The following NUP210 variants were observed in gnomAD, a reference collection of about 807,000 sequenced individuals.
The protein encoded by NUP210 is nucleoporin 210, also known as nuclear pore membrane glycoprotein 210.
Under a neutral mutation model 196.0 loss-of-function variants are expected in NUP210, and 151 were observed. The observed-to-expected ratio is 0.77, with a 90% confidence interval of 0.67 to 0.88. The LOEUF (loss-of-function observed/expected upper bound fraction) is 0.88. Among genes scored for constraint, NUP210 ranks in the 40% least tolerant of loss-of-function variants. The probability of loss-of-function intolerance (pLI) is 0.00; values close to 1 mark genes in which losing one functional copy is unlikely to be tolerated. For synonymous variants in NUP210, 1,070 were observed against 1,052.7 expected, an observed-to-expected ratio of 1.02 and a Z score of -0.32; for missense variants, 2,314 against 2,493.7, an observed-to-expected ratio of 0.93 and a Z score of 1.53.
chr3:13,404,880 A>G (rs1180317903), intron 1 of NUP210, among the ~76,000 whole-genome samples: 2 of 152,120 alleles, frequency 1.3e-5, no homozygotes, highest in African/African-American at 2.4e-5. Context: ...TTACATCTAC[A>G]TGGAGGGAGG....
intron 36 of NUP210, among the ~76,000 whole-genome samples, chr3:13,320,450 G>A (rs1696473800): frequency 1.3e-5 from 2 of 151,868 alleles, no homozygotes; most frequent in African/African-American, 4.8e-5. Flanking sequence ...TGGCTAACAC[G>A]GTGAGACCCT....
rs1433868719 is a variant in NUP210, at chr3:13,327,313, G to A, written c.4411C>T (p.Pro1471Ser). ...AEHPGLSDFM[P>S]LPVLQAISPE... ...GAGATGGCCTGTAGGACAGGCAGGG[G>A]CATGAAGTCCGAGAGGCCCGGGTGC... Residue 1471 changes from proline to serine, a missense_variant, in exon 32 of 40, where the codon CCC becomes TCC. Transcript: ENST00000254508. 3.7e-6 allele frequency: 6 copies of A among 1,613,480 alleles called. No individual in the cohort carries two copies. The highest frequency in any genetic ancestry group is 5.1e-6 in the Non-Finnish European group (6 of 1,180,028).
Position 13,380,275 on chromosome 3 carries a change from T to G in NUP210, c.818-554A>C, listed in dbSNP as rs552365394. Among the ~76,000 whole-genome samples, 184 of 150,960 alleles carry G rather than the reference T, an allele frequency of 1.2e-3. 1 individual carries two copies. The highest frequency in any genetic ancestry group is 4.4e-3 in the African/African-American group (179 of 41,136). Reference sequence around the variant, plus strand: ...GAAGAGTTTCCCCGAGAAGTAAGAGTTCTATAAAGTGAGCAACATCGATGT... The same window carrying G: ...GAAGAGTTTCCCCGAGAAGTAAGAGGTCTATAAAGTGAGCAACATCGATGT... On this transcript the variant is annotated intron_variant, in intron 6 of 39. Coordinates refer to ENST00000254508, the MANE Select transcript of NUP210 (RefSeq NM_024923.4).
Position 13,358,311 on chromosome 3 carries a change from C to T in NUP210, c.2239G>A (p.Ala747Thr), listed in dbSNP as rs762204243. 4.5e-5 allele frequency: 73 copies of T among 1,613,686 alleles called. No homozygotes were observed. The highest frequency in any genetic ancestry group is 5.7e-5 in the Non-Finnish European group (67 of 1,179,896). Residue 747 changes from alanine (A) to threonine (T), a missense_variant, in exon 16 of 40, where the codon GCC becomes ACC. Coordinates refer to ENST00000254508, the MANE Select transcript of NUP210 (RefSeq NM_024923.4). ...GCGAGGGTGAGCCTGGACGGTGGGG[C>T]GCAGACGAACTTCACCACGGCAGGC... ...VEPAVVKFVC[A>T]PPSRLTLAPV... is the part of the protein sequence containing the mutation.
chr3:13,420,319 A>G lies in NUP210; in HGVS notation c.-93T>C, dbSNP rs1290999391. 16 of 836,850 alleles carry G rather than the reference A, an allele frequency of 1.9e-5. No homozygotes were observed. The highest frequency in any genetic ancestry group is 2.2e-5 in the Non-Finnish European group (15 of 692,046). 51.8% of individuals were successfully genotyped at this position (836,850 alleles called of 1,614,324 possible). On this transcript the variant is annotated 5_prime_UTR_variant, in exon 1 of 40. Transcript: ENST00000254508. The surrounding 1 kb of genome is among the most constrained non-coding windows in gnomAD (Gnocchi z 4.8). Reference sequence around the variant, plus strand: ...CCGCCCGCGCGCGCGCCAGGCCAGCAGGTGATGAGCGCGGGGGCGGGGCGA... The same window carrying G: ...CCGCCCGCGCGCGCGCCAGGCCAGCGGGTGATGAGCGCGGGGGCGGGGCGA...
intron 28 of NUP210, 74 bp from the exon 29 acceptor site, chr3:13,332,458 T>C (rs1697035715): frequency 8.5e-6 from 10 of 1,175,964 alleles, no homozygotes; most frequent in Non-Finnish European, 1.3e-5. Context: ...GCTTCTCTCC[T>C]AGCAGCAAGA....
At chr3:13,404,056 A>C (rs913753536) in intron 1 of NUP210, among the ~76,000 whole-genome samples, 3 of 152,240 alleles carry the variant, frequency 2.0e-5, no homozygotes, top group Non-Finnish European at 4.4e-5. Flanking sequence ...CAGGCAGCTC[A>C]CGCTGGTTTT....
chr3:13,381,152 C>A (rs77072511), intron 6 of NUP210, among the ~76,000 whole-genome samples: 50 of 152,350 alleles, frequency 3.3e-4, no homozygotes, highest in African/African-American at 1.2e-3. Flanking sequence ...TGGAGCAGTG[C>A]ATCAAAGATA....
chr3:13,343,342 G>GGC, intron 20 of NUP210, 39 bp from the exon 21 acceptor site: 9 of 655,984 alleles, frequency 1.4e-5, no homozygotes, highest in Non-Finnish European at 2.0e-5. Context: ...TGGGTGGTGG[G>GGC]TTACGCAGCT....
chr3:13,335,182 A>C (rs1479714124), intron 28 of NUP210, among the ~76,000 whole-genome samples: 1 of 152,186 alleles, frequency 6.6e-6, no homozygotes, highest in Non-Finnish European at 1.5e-5. Context: ...GCCACACATC[A>C]AGTGAGTTCC....
chr3:13,354,981 T>C (rs1049325893), intron 16 of NUP210, among the ~76,000 whole-genome samples: 4 of 152,186 alleles, frequency 2.6e-5, no homozygotes, highest in Non-Finnish European at 4.4e-5. Context: ...GGGGGCAGTG[T>C]GGGCTGGGCC....
At chr3:13,321,252 C>G (rs1045371982) in intron 36 of NUP210, among the ~76,000 whole-genome samples, 2 of 152,230 alleles carry the variant, frequency 1.3e-5, no homozygotes, top group East Asian at 1.9e-4. Context: ...CCTCCCTGCT[C>G]TGTGGCAGAT....
chr3:13,326,332 C>G (rs1479476578), intron 32 of NUP210, among the ~76,000 whole-genome samples: 1 of 119,426 alleles, frequency 8.4e-6, no homozygotes, highest in Non-Finnish European at 1.7e-5. Context: ...CTCCCCATCC[C>G]TTCGTTGCCT....
rs1271502742 is a variant in NUP210, at chr3:13,379,690, C to T, written c.849G>A (p.Leu283=). Residue 283 remains leucine (L), a synonymous_variant, in exon 7 of 40, where the codon TTG becomes TTA. Coordinates refer to ENST00000254508, the MANE Select transcript of NUP210 (RefSeq NM_024923.4). This position sits in a 1 kb window ranked among gnomAD's most constrained non-coding sequence, Gnocchi z 4.2. Reference sequence around the variant, plus strand: ...GGCCCGGGATGCTGTTCTGAAGCTGCAACTCGTACTGATCGGAAGGCATGG... The same window carrying T: ...GGCCCGGGATGCTGTTCTGAAGCTGTAACTCGTACTGATCGGAAGGCATGG... ...ELSMPSDQYE[L]QLQNSIPGPE... is the part of the protein sequence containing the mutation. 1.2e-6 allele frequency: 2 copies of T among 1,610,602 alleles called. No homozygotes were observed. Among genetic ancestry groups the T allele is most frequent in the Admixed American group, 3.4e-5 (2 of 59,342 alleles).
intron 2 of NUP210, 58 bp downstream of exon 2, chr3:13,399,667 T>A: frequency 1.2e-6 from 2 of 1,611,604 alleles, no homozygotes; most frequent in Non-Finnish European, 1.7e-6. Context: ...TGGGTCTTAG[T>A]GGGCGTTTCC....
At chr3:13,370,391 T>G (rs916392162) in intron 13 of NUP210, among the ~76,000 whole-genome samples, 6 of 152,152 alleles carry the variant, frequency 3.9e-5, no homozygotes, top group African/African-American at 1.2e-4. Flanking sequence ...CATTTTACAG[T>G]TAAAGAACCC....
chr3:13,412,389 A>G (rs897276780), intron 1 of NUP210, among the ~76,000 whole-genome samples: 1 of 151,638 alleles, frequency 6.6e-6, no homozygotes, highest in African/African-American at 2.4e-5. Flanking sequence ...ATTGTATTAA[A>G]TGGATTCTTC....
intron 8 of NUP210, 131 bp downstream of exon 8, chr3:13,378,781 T>C (rs1699010181): frequency 4.2e-6 from 3 of 710,656 alleles, no homozygotes; most frequent in Admixed American, 2.0e-5. Flanking sequence ...TGGGCAATGA[T>C]GGTCATAGCA....
chr3:13,337,703 G>T, intron 26 of NUP210, 134 bp downstream of exon 26: 1 of 768,634 alleles, frequency 1.3e-6, no homozygotes, highest in Non-Finnish European at 2.2e-6. Context: ...CCCTGGGTGG[G>T]GACAGGTGGG....
Sources: allele counts gnomAD v4.1 joint callset (sites outside exome capture counted in the v4.1 genomes callset), GRCh38; gene constraint gnomAD v4.1.1; non-coding constraint Gnocchi (gnomAD v3.1); transcripts MANE v1.5; gene names NCBI Gene and HGNC (gene_info 2026-07-23, HGNC 2026-07-21).